PLB1: variants seen among roughly 807,000 people sequenced by gnomAD.
The protein encoded by PLB1 is phospholipase B1, membrane-associated.
Under a neutral mutation model 227.4 loss-of-function variants are expected in PLB1, and 242 were observed. The observed-to-expected ratio is 1.06, with a 90% CI of 0.96 to 1.18. The LOEUF (loss-of-function observed/expected upper bound fraction) is 1.18, where lower values mean the gene tolerates loss of function less well. PLB1 is among the 50% of genes most tolerant of loss of function. PLB1 has a pLI of 0.00. For missense variants in PLB1, 1,858 were observed against 1,816.3 expected (o/e 1.02, Z -0.42); for synonymous variants, 757 against 682.2 (o/e 1.11, Z -1.71).
At position 28,643,961 on chromosome 2, in the gene PLB1, G is replaced by A. The variant is rs957350924; in HGVS notation, c.*900G>A. The stretch of plus-strand genomic sequence containing the variant: ...CCGTGCTGGAGGCCTTCCACAGATG[G>A]TCTCTTTTATGCTGCACAAAAGCCC... On this transcript the variant is annotated 3_prime_UTR_variant, in exon 58 of 58. Transcript: ENST00000327757. Among the ~76,000 whole-genome samples the A allele has an allele frequency of 6.6e-6, 1 of 152,210 alleles. No homozygotes were observed. Among genetic ancestry groups the A allele is most frequent in the Non-Finnish European group, 1.5e-5 (1 of 68,030 alleles).
At chr2:28,578,058 C>A (rs75948904) in intron 21 of PLB1, 49 bp from the exon 22 acceptor site, 6 of 1,580,136 alleles carry the variant, frequency 3.8e-6, no homozygotes, top group Non-Finnish European at 3.5e-6. Context: ...GCTAAGGGCC[C>A]CTGCCAGTCC....
intron 16 of PLB1, 57 bp downstream of exon 16, chr2:28,550,141 C>A: frequency 2.3e-6 from 3 of 1,279,278 alleles, no homozygotes; most frequent in Non-Finnish European, 1.1e-6. Flanking sequence ...GGCTGTACTT[C>A]TTGCTGAATC....
rs1684143421 is a variant in PLB1 at position 28,603,012 on chromosome 2, C to A, written c.2774+91C>A. 7 of 1,145,916 alleles carry A rather than the reference C, an allele frequency of 6.1e-6. No individual in the cohort carries two copies. In the South Asian group the frequency reaches 8.9e-5, roughly 15 times the overall value. 71.0% of individuals were successfully genotyped at this position (1,145,916 alleles called of 1,614,324 possible). On this transcript the variant is annotated intron_variant, in intron 39 of 57. Coordinates refer to ENST00000327757, the MANE Select transcript of PLB1 (RefSeq NM_153021.5). ...TGGTGATGCCTCAGGGTCTTTGTGA[C>A]TTGGTCTATCCATGTGTCCAAGTCT... is the stretch of plus-strand genomic sequence containing the variant.
chr2:28,526,021 G>C lies in PLB1; in HGVS notation c.325+76G>C, dbSNP rs527984136. 21 of 1,533,374 alleles carry C rather than the reference G, an allele frequency of 1.4e-5. 2 individuals carry two copies. In the Middle Eastern group the frequency reaches 6.8e-4, roughly 50 times the overall value. 95.0% of individuals were successfully genotyped at this position (1,533,374 alleles called of 1,614,324 possible). On this transcript the variant is annotated intron_variant, in intron 6 of 57. Transcript: ENST00000327757. ...ACACAGCAGCATCCTCTCTAATAAA[G>C]AGAATGGACACCACCAGCCACTTTA...
At chr2:28,552,419 C>T (rs1674398297) in intron 16 of PLB1, among the ~76,000 whole-genome samples, 1 of 152,180 alleles carries the variant, frequency 6.6e-6, no homozygotes, top group African/African-American at 2.4e-5. Flanking sequence ...GGACTTTTTG[C>T]TGAAGTTAAT....
At chr2:28,579,900 G>C (rs1679634975) in intron 23 of PLB1, among the ~76,000 whole-genome samples, 193 bp downstream of exon 23, 1 of 152,198 alleles carries the variant, frequency 6.6e-6, no homozygotes, top group Non-Finnish European at 1.5e-5. Context: ...GGGCAAGCAG[G>C]ATTAGTTATA....
At chr2:28,552,844 T>C (rs1674461486) in intron 16 of PLB1, 84 bp from the exon 17 acceptor site, 7 of 1,123,406 alleles carry the variant, frequency 6.2e-6, no homozygotes, top group East Asian at 4.7e-5. Flanking sequence ...TAAATGATGT[T>C]TTCCAAAATA....
intron 9 of PLB1, among the ~76,000 whole-genome samples, chr2:28,536,997 C>G: frequency 6.6e-6 from 1 of 152,176 alleles, no homozygotes; most frequent in Non-Finnish European, 1.5e-5. Flanking sequence ...GCGAGGATGC[C>G]TCTAGACAGA....
intron 37 of PLB1, 137 bp downstream of exon 37, chr2:28,601,469 C>CAACACACACACACACACA (rs141173438): frequency 5.5e-4 from 333 of 600,252 alleles, no homozygotes; most frequent in African/African-American, 5.1e-3. Flanking sequence ...TATACACATA[C>CAACACACACACACACACA]CACACACACA....
chr2:28,623,974 G>A (rs1047203357), intron 49 of PLB1, among the ~76,000 whole-genome samples: 3 of 152,174 alleles, frequency 2.0e-5, no homozygotes, highest in African/African-American at 7.2e-5. Flanking sequence ...GCATGGACCT[G>A]TAGTCCCAGC....
rs543466220 is a variant in PLB1, at chr2:28,532,305, C to T, written c.555+111C>T. 25 of 738,826 alleles carry T rather than the reference C, an allele frequency of 3.4e-5. No homozygotes were observed. The South Asian group carries it at 5.3e-4, about 16-fold the overall frequency. The allele number at this position is 738,826 out of a possible 1,614,324, so 45.8% of individuals were successfully genotyped here. On this transcript the variant is annotated intron_variant, in intron 9 of 57. Coordinates refer to ENST00000327757, the MANE Select transcript of PLB1 (RefSeq NM_153021.5). Reference sequence around the variant, plus strand: ...AGCTGTCAGGATGGGGCTAATGCCACCTATTTTAGAACATGGATGGATGGA... The same window carrying T: ...AGCTGTCAGGATGGGGCTAATGCCATCTATTTTAGAACATGGATGGATGGA...
chr2:28,589,893 C>CA lies in PLB1; in HGVS notation c.2017-109dup. On this transcript the variant is annotated intron_variant, in intron 28 of 57. Transcript: ENST00000327757. ...TGATTCTATGCACGGCAATGACAAA[C>CA]AAACCCCATCTCCTTCATCCCTCCC... 3.7e-6 allele frequency: 5 copies of CA among 1,357,364 alleles called. No individual in the cohort carries two copies. In the Admixed American group the frequency reaches 8.5e-5, roughly 23 times the overall value. 84.1% of individuals were successfully genotyped at this position (1,357,364 alleles called of 1,614,324 possible). A position where few individuals can be genotyped will look rare whatever the true frequency, so the allele number is the denominator to read the frequency against.
intron 50 of PLB1, among the ~76,000 whole-genome samples, chr2:28,625,510 CT>C (rs1201554307): frequency 2.0e-5 from 3 of 150,000 alleles, no homozygotes; most frequent in Non-Finnish European, 3.0e-5. Flanking sequence ...CTCACTAGCA[CT>C]TTTTTTTTTA....
intron 51 of PLB1, 77 bp from the exon 52 acceptor site, chr2:28,628,486 C>T: frequency 7.4e-7 from 1 of 1,359,042 alleles, no homozygotes; most frequent in Non-Finnish European, 1.1e-6. Context: ...GCCCAGGCCC[C>T]AGAGCCCTCC....
At chr2:28,539,950 C>T (rs1672238092) in intron 11 of PLB1, among the ~76,000 whole-genome samples, 2 of 148,778 alleles carry the variant, frequency 1.3e-5, no homozygotes, top group Non-Finnish European at 3.0e-5. Flanking sequence ...CCCATAGCCA[C>T]CCTCCAGGGA....
At chr2:28,537,424 C>T (rs1233510212) in intron 9 of PLB1, among the ~76,000 whole-genome samples, 2 of 152,032 alleles carry the variant, frequency 1.3e-5, no homozygotes, top group African/African-American at 4.8e-5. Flanking sequence ...TGAGCCACTG[C>T]ACCCAGCCTG....
chr2:28,607,141 A>C (rs115286725), intron 43 of PLB1, among the ~76,000 whole-genome samples: 1 of 152,108 alleles, frequency 6.6e-6, no homozygotes, highest in South Asian at 2.1e-4. Context: ...GTGGTTGTTA[A>C]GCTTGACTTC....
rs1680127393 is a variant in PLB1, at chr2:28,582,117, A to G, written c.1616A>G (p.Asp539Gly). 6.2e-7 allele frequency: 1 copy of G among 1,613,884 alleles called. No homozygotes were observed. The highest frequency in any genetic ancestry group is 1.3e-5 in the African/African-American group (1 of 74,916). The change falls in exon 24 of 58, where the codon GAC becomes GGC. Residue 539 changes from aspartate (D) to glycine (G), a missense_variant. By Grantham distance (94) the Asp-to-Gly change is moderately conservative (BLOSUM62 -1). Coordinates refer to ENST00000327757, the MANE Select transcript of PLB1 (RefSeq NM_153021.5). ...ACAGACAACATTGGAAAGGCCCTGGACATCCTCCATGCTGAGGTACGGAGG... is the reference window on the plus strand; with the variant it reads ...ACAGACAACATTGGAAAGGCCCTGGGCATCCTCCATGCTGAGGTACGGAGG... ...NFTDNIGKAL[D>G]ILHAEVPRAF...
At position 28,577,433 on chromosome 2, in the gene PLB1, G is replaced by A. The variant is rs116679848; in HGVS notation, c.1434-674G>A. On this transcript the variant is annotated intron_variant, in intron 21 of 57. Coordinates refer to ENST00000327757, the MANE Select transcript of PLB1 (RefSeq NM_153021.5). ...TAGGCCATGGCACCTGCCAAAATGG[G>A]TGGTGCCATGACATGTGCATGATGT... Among the ~76,000 whole-genome samples, 1,103 of 152,364 alleles carry A rather than the reference G, an allele frequency of 7.2e-3. 18 individuals carry two copies. The highest frequency in any genetic ancestry group is 0.025 in the African/African-American group (1,052 of 41,582).
Sources: allele counts gnomAD v4.1 joint callset (sites outside exome capture counted in the v4.1 genomes callset), GRCh38; gene constraint gnomAD v4.1.1; transcripts MANE v1.5; gene names NCBI Gene and HGNC (gene_info 2026-07-23, HGNC 2026-07-21).